Variants in KIAA1549 observed in about 807,000 individuals in gnomAD.
KIAA1549 encodes the protein UPF0606 protein KIAA1549.
Under a neutral mutation model 156.4 loss-of-function variants are expected in KIAA1549, and 70 were observed. The observed-to-expected ratio is 0.45, with a 90% CI of 0.37 to 0.55. The LOEUF (loss-of-function observed/expected upper bound fraction) is 0.55, where lower values mean the gene tolerates loss of function less well. Among genes scored for constraint, KIAA1549 ranks in the 20% least tolerant of loss-of-function variants. The pLI is 0.00. For synonymous variants in KIAA1549, 1,103 were observed against 1,066.4 expected, an observed-to-expected ratio of 1.03 and a Z score of -0.67; for missense variants, 2,428 against 2,540.9, an observed-to-expected ratio of 0.96 and a Z score of 0.96.
chr7:138,963,613 T>C (rs1371878165), intron 1 of KIAA1549, among the ~76,000 whole-genome samples: 1 of 152,146 alleles, frequency 6.6e-6, no homozygotes, highest in East Asian at 1.9e-4. Context: ...CTGTGTTTTA[T>C]GAAGAACCAA....
At chr7:138,969,039 C>T (rs1383381819) in intron 1 of KIAA1549, among the ~76,000 whole-genome samples, 1 of 151,942 alleles carries the variant, frequency 6.6e-6, no homozygotes, top group Non-Finnish European at 1.5e-5. Context: ...AGGTATTAAG[C>T]CCAGTACCCA....
At position 138,916,898 on chromosome 7, in the gene KIAA1549, G is replaced by C; in HGVS notation, c.2728C>G (p.Pro910Ala). The stretch of plus-strand genomic sequence containing the variant: ...AGGGGAGGAGCAGCACTACTCTCTG[G>C]GGGGCTCTGACTTGCGGCGTCACCC... Reference protein sequence around the residue: ...LMGDAASQSPPESSAAPPLPS... With the variant: ...LMGDAASQSPAESSAAPPLPS... The change falls in exon 2 of 20, where the codon CCA becomes GCA. Residue 910 changes from proline to alanine, a missense_variant. Physicochemically the swap from Pro to Ala is conservative, Grantham distance 27. This residue lies in a region of KIAA1549 where 762 missense variants were observed against 901.6 expected (regional missense o/e 0.85). Transcript: ENST00000422774. 1 of 1,613,716 alleles carries C rather than the reference G, an allele frequency of 6.2e-7. No homozygotes were observed. The highest frequency in any genetic ancestry group is 8.5e-7 in the Non-Finnish European group (1 of 1,179,778).
At chr7:138,941,474 C>A (rs971227904) in intron 1 of KIAA1549, among the ~76,000 whole-genome samples, 1 of 152,198 alleles carries the variant, frequency 6.6e-6, no homozygotes, top group South Asian at 2.1e-4. Context: ...CCTTAAGACA[C>A]GATGGTTAAA....
intron 14 of KIAA1549, among the ~76,000 whole-genome samples, 190 bp from the exon 15 acceptor site, chr7:138,868,318 A>AC (rs1174689758): frequency 6.6e-6 from 1 of 152,122 alleles, no homozygotes; most frequent in African/African-American, 2.4e-5. Context: ...AGACCTATTA[A>AC]CCCACATGAA....
At chr7:138,936,907 T>C (rs1813029536) in intron 1 of KIAA1549, among the ~76,000 whole-genome samples, 1 of 152,034 alleles carries the variant, frequency 6.6e-6, no homozygotes, top group Non-Finnish European at 1.5e-5. Flanking sequence ...CTCTGCAGCC[T>C]CCTCTATCCC....
intron 1 of KIAA1549, among the ~76,000 whole-genome samples, chr7:138,950,550 T>C (rs1037416100): frequency 2.0e-5 from 3 of 152,230 alleles, no homozygotes; most frequent in African/African-American, 7.2e-5. Context: ...ACTCTTGTCA[T>C]TTAAAGACTA....
In KIAA1549 at chr7:138,894,441, C is replaced by G. The variant is rs372570479; in HGVS notation, c.3933G>C (p.Val1311=). The change falls in exon 10 of 20, where the codon GTG becomes GTC. Residue 1311 remains valine (V), a synonymous_variant. Transcript: ENST00000422774. ...AGAGGATGACAACAATCACCATCAC[C>G]ACCAGCACTGGGATGACCACGCCAA... is the stretch of plus-strand genomic sequence containing the variant. The part of the protein sequence containing the change: ...VIVGVVIPVL[V]VMVIVVILYW... 21 of 1,613,924 alleles carry G rather than the reference C, an allele frequency of 1.3e-5. No homozygotes were observed. Among genetic ancestry groups the G allele is most frequent in the African/African-American group, 2.7e-5 (2 of 74,934 alleles).
At chr7:138,881,648 C>T in intron 10 of KIAA1549, 64 bp from the exon 11 acceptor site, 3 of 1,414,018 alleles carry the variant, frequency 2.1e-6, no homozygotes, top group Admixed American at 4.1e-5. Context: ...GAGAGGAGCA[C>T]AACTTCTGAC....
At chr7:138,970,264 A>G (rs1814180778) in intron 1 of KIAA1549, among the ~76,000 whole-genome samples, 1 of 152,070 alleles carries the variant, frequency 6.6e-6, no homozygotes, top group African/African-American at 2.4e-5. Context: ...ACTATCTCCA[A>G]GTGCTTTTGT....
chr7:138,974,323 T>C (rs1814309212), intron 1 of KIAA1549, among the ~76,000 whole-genome samples: 1 of 151,738 alleles, frequency 6.6e-6, no homozygotes, highest in Non-Finnish European at 1.5e-5. Flanking sequence ...CGGTGGTCCT[T>C]GGGAGAAGAG....
chr7:138,977,685 C>CACACACACAT (rs59926082), intron 1 of KIAA1549, among the ~76,000 whole-genome samples: 1 of 151,498 alleles, frequency 6.6e-6, no homozygotes. Context: ...CACACACACA[C>CACACACACAT]GGAAAGAAAC....
chr7:138,846,595 A>C (rs2130339609), intron 17 of KIAA1549, among the ~76,000 whole-genome samples: 1 of 151,294 alleles, frequency 6.6e-6, no homozygotes, highest in East Asian at 1.9e-4. Flanking sequence ...TTGCTTTTGC[A>C]CTTCTGTACA....
intron 8 of KIAA1549, among the ~76,000 whole-genome samples, chr7:138,901,446 C>T (rs1811839532): frequency 6.6e-6 from 1 of 151,936 alleles, no homozygotes. Flanking sequence ...ATGCCTCAGC[C>T]TCCTGAAGAG....
In KIAA1549 at chr7:138,874,343, A is replaced by G. The variant is rs1017586958; in HGVS notation, c.4346-2981T>C. 3.9e-5 allele frequency among the ~76,000 whole-genome samples: 6 copies of G among 152,164 alleles called. No homozygotes were observed. The East Asian group carries it at 5.8e-4, about 15-fold the overall frequency. ...TTGTACCTCATGGTAACTATAATCA[A>G]TAACAATATATTGTATACTTGAAAA... On this transcript the variant is annotated intron_variant, in intron 12 of 19. Coordinates refer to ENST00000422774, the MANE Select transcript of KIAA1549 (RefSeq NM_001164665.2).
At chr7:138,893,934 G>C (rs1811610315) in intron 10 of KIAA1549, among the ~76,000 whole-genome samples, 3 of 152,218 alleles carry the variant, frequency 2.0e-5, no homozygotes, top group African/African-American at 7.2e-5. Flanking sequence ...GGCCAGGTGT[G>C]GTGGCACACG....
chr7:138,886,280 C>CT (rs893380233), intron 10 of KIAA1549, among the ~76,000 whole-genome samples: 14 of 151,054 alleles, frequency 9.3e-5, no homozygotes, highest in African/African-American at 3.2e-4. Context: ...GACCTAAGGT[C>CT]TTTTTTTTTC....
rs1213843262 is a variant in KIAA1549, at chr7:138,832,675, A to G, written c.*5231T>C. The G allele has an allele frequency of 4.6e-6, 1 of 216,012 alleles. No individual in the cohort carries two copies. The allele number at this position is 216,012 out of a possible 1,614,324, so 13.4% of individuals were successfully genotyped here. A position where few individuals can be genotyped will look rare whatever the true frequency, so the allele number is the denominator to read the frequency against. ...GCTCCTAACTTTGTTTCATGTTTCC[A>G]AAGGCATTTAATATTCTTTTCCTAA... On this transcript the variant is annotated 3_prime_UTR_variant, in exon 20 of 20. Transcript: ENST00000422774.
intron 1 of KIAA1549, among the ~76,000 whole-genome samples, chr7:138,940,235 A>G (rs927097286): frequency 3.3e-5 from 5 of 150,374 alleles, no homozygotes; most frequent in Non-Finnish European, 7.4e-5. Flanking sequence ...TCATTGTTCA[A>G]TTCCCACCTA....
At chr7:138,911,056 A>C in intron 4 of KIAA1549, 90 bp downstream of exon 4, 1 of 1,006,104 alleles carries the variant, frequency 9.9e-7, no homozygotes, top group Non-Finnish European at 1.4e-6. Context: ...ATAATAATAA[A>C]TTCTAAAAAT....
Sources: gnomAD v4.1 joint callset for allele counts (sites outside exome capture counted in the v4.1 genomes callset) on GRCh38, gnomAD v4.1.1 for gene constraint, gnomAD v4.1.1 regional missense constraint, MANE v1.5 for transcripts, NCBI Gene and HGNC (gene_info 2026-07-23, HGNC 2026-07-21) for gene names.